Variants in PIAS1 observed in about 807,000 individuals in gnomAD.
PIAS1 encodes protein inhibitor of activated STAT 1, also known as E3 SUMO-protein ligase PIAS1.
A neutral mutation model predicts 71.3 loss-of-function variants in PIAS1; 6 were observed. That is an observed-to-expected ratio of 0.08 (90% CI 0.05 to 0.17). The LOEUF is 0.17. Among genes scored for constraint, PIAS1 ranks in the 10% least tolerant of loss-of-function variants. The probability of loss-of-function intolerance (pLI) is 1.00; values close to 1 mark genes in which losing one functional copy is unlikely to be tolerated. For synonymous variants in PIAS1, 303 were observed against 292.9 expected (o/e 1.03, Z -0.35); for missense variants, 555 against 793.6 (o/e 0.70, Z 3.61).
chr15:68,114,805 C>T (rs1435721541), intron 2 of PIAS1, among the ~76,000 whole-genome samples: 1 of 151,206 alleles, frequency 6.6e-6, no homozygotes, highest in East Asian at 1.9e-4. Flanking sequence ...TGATCTAGTT[C>T]GTTTCTCTGT....
At chr15:68,060,996 A>G (rs2091952692) in intron 1 of PIAS1, among the ~76,000 whole-genome samples, 1 of 152,262 alleles carries the variant, frequency 6.6e-6, no homozygotes, top group African/African-American at 2.4e-5. Flanking sequence ...ATCTGGTTTT[A>G]GAAAGATAAC....
intron 2 of PIAS1, among the ~76,000 whole-genome samples, chr15:68,113,026 T>A (rs900636853): frequency 1.3e-4 from 20 of 152,320 alleles, no homozygotes; most frequent in African/African-American, 4.3e-4. Flanking sequence ...AGTAGCTACT[T>A]AAAATGATGA....
intron 2 of PIAS1, among the ~76,000 whole-genome samples, chr15:68,101,064 A>G (rs760361422): frequency 5.1e-4 from 78 of 151,746 alleles, no homozygotes; most frequent in Admixed American, 1.5e-3. Flanking sequence ...ACACCTGGCT[A>G]ATTCTTTGTA....
rs1032988272 is a variant in PIAS1 at position 68,086,996 on chromosome 15, C to G, written c.469+246C>G. Among the ~76,000 whole-genome samples the G allele has an allele frequency of 5.3e-5, 8 of 152,070 alleles. 1 individual carries two copies. Among genetic ancestry groups the G allele is most frequent in the Admixed American group, 4.6e-4 (7 of 15,272 alleles). On this transcript the variant is annotated intron_variant, in intron 2 of 13. Coordinates refer to ENST00000249636, the MANE Select transcript of PIAS1 (RefSeq NM_016166.3). This position sits in a 1 kb window ranked among gnomAD's most constrained non-coding sequence, Gnocchi z 7.2. ...AAAAAGTTTCAAGAATATAAACTTCCAAAGAGTAGTATTTTAGAAGGTTGA... is the reference window on the plus strand; with the variant it reads ...AAAAAGTTTCAAGAATATAAACTTCGAAAGAGTAGTATTTTAGAAGGTTGA...
chr15:68,152,904 T>C (rs1385989636), intron 6 of PIAS1, among the ~76,000 whole-genome samples: 4 of 150,058 alleles, frequency 2.7e-5, no homozygotes, highest in African/African-American at 7.4e-5. Context: ...CTTTTCTTTT[T>C]TTTTTTTTTT....
intron 2 of PIAS1, among the ~76,000 whole-genome samples, chr15:68,130,191 T>C (rs2092680340): frequency 6.6e-6 from 1 of 151,512 alleles, no homozygotes; most frequent in African/African-American, 2.4e-5. Flanking sequence ...TTTTTAAAAA[T>C]AGGAAAAAAG....
chr15:68,156,151 C>T (rs1323103018), intron 7 of PIAS1, among the ~76,000 whole-genome samples: 4 of 152,194 alleles, frequency 2.6e-5, no homozygotes, highest in African/African-American at 9.7e-5. Flanking sequence ...AAGACACATA[C>T]CATCTCTGCA....
chr15:68,113,746 G>A (rs2092541168), intron 2 of PIAS1, among the ~76,000 whole-genome samples: 2 of 152,048 alleles, frequency 1.3e-5, no homozygotes, highest in African/African-American at 4.8e-5. Context: ...AGCTTATTAA[G>A]GATGGGCTTA....
intron 2 of PIAS1, among the ~76,000 whole-genome samples, chr15:68,122,506 C>T (rs1416979079): frequency 3.9e-5 from 6 of 152,146 alleles, no homozygotes; most frequent in Admixed American, 2.6e-4. Flanking sequence ...TTTACCTGAA[C>T]TCATGAAGTG....
intron 2 of PIAS1, among the ~76,000 whole-genome samples, chr15:68,090,927 G>GGTGTGTGTGTGT (rs10667510): frequency 0.073 from 10,382 of 142,720 alleles, 465 homozygotes; most frequent in East Asian, 0.14. Context: ...GTCATTTACG[G>GGTGTGTGTGTGT]GTGTGTGTGT....
intron 3 of PIAS1, 119 bp from the exon 4 acceptor site, chr15:68,142,169 ACT>A: frequency 1.0e-6 from 1 of 958,668 alleles, no homozygotes; most frequent in South Asian, 1.4e-5. Flanking sequence ...TGTGTTAGTT[ACT>A]GTAAGAACAG....
At chr15:68,078,266 T>C (rs1313830189) in intron 1 of PIAS1, among the ~76,000 whole-genome samples, 2 of 152,242 alleles carry the variant, frequency 1.3e-5, no homozygotes, top group Non-Finnish European at 2.9e-5. Flanking sequence ...ACATGGCCTG[T>C]AGTTTTTCTT....
At chr15:68,062,124 T>G (rs771851507) in intron 1 of PIAS1, among the ~76,000 whole-genome samples, 1 of 152,216 alleles carries the variant, frequency 6.6e-6, no homozygotes, top group Non-Finnish European at 1.5e-5. Flanking sequence ...TTGCTGCTGC[T>G]TAGATGAACT....
intron 2 of PIAS1, among the ~76,000 whole-genome samples, chr15:68,120,928 G>T (rs1412578264): frequency 1.3e-5 from 2 of 152,148 alleles, no homozygotes; most frequent in African/African-American, 4.8e-5. Flanking sequence ...GAGCCACCGG[G>T]CCTGACCTAC....
In PIAS1 at chr15:68,145,385, T is replaced by TC. The variant is rs533608798; in HGVS notation, c.603-429dup. ...AATACTGCATACAGGTGGTAGGTCTTCCTCTTAGAGATTTATAATGCTTAT... is the reference window on the plus strand; with the variant it reads ...AATACTGCATACAGGTGGTAGGTCTTCCCTCTTAGAGATTTATAATGCTTAT... On this transcript the variant is annotated intron_variant, in intron 4 of 13. Coordinates refer to ENST00000249636, the MANE Select transcript of PIAS1 (RefSeq NM_016166.3). Among the ~76,000 whole-genome samples the TC allele has an allele frequency of 2.6e-5, 4 of 152,326 alleles. No homozygotes were observed. In the South Asian group the frequency reaches 8.3e-4, roughly 32 times the overall value.
rs771743634 is a variant in PIAS1, at chr15:68,173,763, G to A, written c.1040G>A (p.Arg347Gln). ...LGKMRLTIPC[R>Q]ALTCSHLQCF... The stretch of plus-strand genomic sequence containing the variant: ...AAAATGCGGCTGACAATTCCGTGTC[G>A]GGCCCTTACATGTTCTCATCTACAA... The change falls in exon 9 of 14, where the codon CGG (arginine) becomes CAG (glutamine). Residue 347 changes from arginine (R) to glutamine (Q), a missense_variant. By Grantham distance (43) the Arg-to-Gln change is conservative. Around this residue, in one of 5 missense-constraint regions of PIAS1, gnomAD observed 49 missense variants for 129.2 expected, o/e 0.38. Transcript: ENST00000249636. This position sits in a 1 kb window ranked among gnomAD's most constrained non-coding sequence, Gnocchi z 4.3. 3 of 1,559,370 alleles carry A rather than the reference G, an allele frequency of 1.9e-6. No individual in the cohort carries two copies. Among genetic ancestry groups the A allele is most frequent in the Admixed American group, 1.8e-5 (1 of 56,240 alleles).
intron 2 of PIAS1, among the ~76,000 whole-genome samples, chr15:68,117,179 C>T (rs1314271894): frequency 6.6e-6 from 1 of 152,136 alleles, no homozygotes; most frequent in African/African-American, 2.4e-5. Flanking sequence ...CCTCTGCCTC[C>T]CGGGTTCAAG....
intron 2 of PIAS1, among the ~76,000 whole-genome samples, chr15:68,091,830 G>T (rs952690116): frequency 1.3e-5 from 2 of 152,108 alleles, no homozygotes; most frequent in African/African-American, 4.8e-5. Context: ...GTAATTTATT[G>T]AATATCGTAC....
rs1182839443 is a variant in PIAS1 at position 68,086,342 on chromosome 15, G to A, written c.61G>A (p.Val21Ile). 1 of 1,611,412 alleles carries A rather than the reference G, an allele frequency of 6.2e-7. No homozygotes were observed. The highest frequency in any genetic ancestry group is 8.5e-7 in the Non-Finnish European group (1 of 1,178,640). Residue 21 changes from valine to isoleucine, a missense_variant, in exon 2 of 14, where the codon GTA becomes ATA. By Grantham distance (29) the Val-to-Ile change is conservative (BLOSUM62 3). Coordinates refer to ENST00000249636, the MANE Select transcript of PIAS1 (RefSeq NM_016166.3). This position sits in a 1 kb window ranked among gnomAD's most constrained non-coding sequence, Gnocchi z 7.2. The part of the protein sequence containing the change: ...VMSLRVSELQ[V>I]LLGYAGRNKH... ...GAGCCTTAGAGTTTCTGAACTCCAA[G>A]TACTGTTGGGCTACGCCGGGAGAAA...
Sources: gnomAD v4.1 joint callset for allele counts (sites outside exome capture counted in the v4.1 genomes callset) on GRCh38, gnomAD v4.1.1 for gene constraint, gnomAD v4.1.1 regional missense constraint, Gnocchi (gnomAD v3.1) non-coding constraint, MANE v1.5 for transcripts, NCBI Gene and HGNC (gene_info 2026-07-23, HGNC 2026-07-21) for gene names.